MBNL3: variants seen among roughly 807,000 people sequenced by gnomAD.
MBNL3 encodes the protein muscleblind-like protein 3.
A neutral mutation model predicts 24.5 loss-of-function variants in MBNL3; 6 were observed. That is an observed-to-expected ratio of 0.25 (90% confidence interval 0.13 to 0.48). The LOEUF is 0.48. MBNL3 is among the 20% of genes least tolerant of loss of function. The pLI, the probability that MBNL3 is intolerant of heterozygous loss-of-function variation, is 0.99. For synonymous variants in MBNL3, 100 were observed against 101.7 expected (o/e 0.98, Z 0.10); for missense variants, 230 against 293.5 (o/e 0.78, Z 1.58).
At position 132,392,307 on chromosome X, in the gene MBNL3, G is replaced by C. The variant is rs1467933327; in HGVS notation, c.370C>G (p.Pro124Ala). The C allele has an allele frequency of 8.3e-7, 1 of 1,204,798 alleles. No individual in the cohort carries two copies. The highest frequency in any genetic ancestry group is 1.8e-5 in the South Asian group (1 of 55,230). The change falls in exon 4 of 9, where the codon CCA (proline) becomes GCA (alanine). Residue 124 changes from proline to alanine, a missense_variant. Coordinates refer to ENST00000370853, the MANE Select transcript of MBNL3 (RefSeq NM_001386889.1). ...TTGAAAGCCATGGGAGGATTAGCTG[G>C]AATTGATGGAGTCATAGGAAAAGAA... Reference protein sequence around the residue: ...LGSFPMTPSIPANPPMAFNPY... With the variant: ...LGSFPMTPSIAANPPMAFNPY...
intron 3 of MBNL3, among the ~76,000 whole-genome samples, chrX:132,397,482 C>G (rs983073455): frequency 9.0e-6 from 1 of 111,280 alleles, no homozygotes; most frequent in Non-Finnish European, 1.9e-5. Context: ...CTAAGGTCAA[C>G]AGAATAATCG....
intron 5 of MBNL3, among the ~76,000 whole-genome samples, chrX:132,389,768 T>C (rs1411643255): frequency 9.0e-6 from 1 of 111,315 alleles, no homozygotes; most frequent in African/African-American, 3.3e-5. Flanking sequence ...CAAACTTAAG[T>C]CACGAGAATT....
At chrX:132,440,914 T>C (rs1419573069) in intron 1 of MBNL3, among the ~76,000 whole-genome samples, 1 of 112,607 alleles carries the variant, frequency 8.9e-6, no homozygotes, top group Non-Finnish European at 1.9e-5. Flanking sequence ...ATCAAATAAC[T>C]GTTAACTTCA....
chrX:132,412,164 T>C (rs998823468), intron 2 of MBNL3, among the ~76,000 whole-genome samples: 2 of 111,131 alleles, frequency 1.8e-5, no homozygotes, highest in African/African-American at 3.3e-5. Context: ...TTAGTATAAC[T>C]TAACCAGAAG....
In MBNL3 at chrX:132,439,670, T is replaced by C. The variant is rs1230632183; in HGVS notation, c.-59A>G. 22 of 1,084,794 alleles carry C rather than the reference T, an allele frequency of 2.0e-5. No homozygotes were observed. 89.4% of individuals were successfully genotyped at this position (1,084,794 alleles called of 1,213,427 possible). ...TTTAGGACAATATTACTGTGGACTATTAAAGGATTAAAAATGAATTCAAAC... is the reference window on the plus strand; with the variant it reads ...TTTAGGACAATATTACTGTGGACTACTAAAGGATTAAAAATGAATTCAAAC... On this transcript the variant is annotated 5_prime_UTR_variant, in exon 2 of 9. Transcript: ENST00000370853.
intron 2 of MBNL3, among the ~76,000 whole-genome samples, chrX:132,410,975 A>G (rs45573437): frequency 0.13 from 15,065 of 112,041 alleles, 1,113 homozygotes; most frequent in African/African-American, 0.29. Context: ...TGTATCATCT[A>G]TAAATATTGA....
Position 132,439,523 on chromosome X carries a change from C to T in MBNL3, c.89G>A (p.Arg30Gln), listed in dbSNP as rs1200509009. The T allele has an allele frequency of 2.5e-6, 3 of 1,209,019 alleles. No individual in the cohort carries two copies. Among genetic ancestry groups the T allele is most frequent in the East Asian group, 3.0e-5 (1 of 33,723 alleles). The part of the protein sequence containing the change: ...CREFQRGTCS[R>Q]ADADCKFAHP... Reference sequence around the variant, plus strand: ...GGCAAACTTGCAATCTGCATCAGCTCGAGAGCAAGTTCCTCTCTGAAATTC... The same window carrying T: ...GGCAAACTTGCAATCTGCATCAGCTTGAGAGCAAGTTCCTCTCTGAAATTC... Residue 30 changes from arginine (R) to glutamine (Q), a missense_variant, in exon 2 of 9, where the codon CGA becomes CAA. Arg to Gln is a conservative substitution (Grantham distance 43). Transcript: ENST00000370853.
intron 1 of MBNL3, among the ~76,000 whole-genome samples, chrX:132,460,152 T>C (rs1012007370): frequency 9.0e-6 from 1 of 111,599 alleles, no homozygotes; most frequent in African/African-American, 3.3e-5. Context: ...AAAAGTTTTA[T>C]ATAATCAAAA....
chrX:132,397,697 G>T (rs1940048120), intron 3 of MBNL3, among the ~76,000 whole-genome samples: 2 of 111,214 alleles, frequency 1.8e-5, no homozygotes, highest in African/African-American at 6.5e-5. Flanking sequence ...TCTTTTTACG[G>T]TCATCATGCA....
At chrX:132,412,702 T>C (rs1250675294) in intron 2 of MBNL3, among the ~76,000 whole-genome samples, 2 of 112,429 alleles carry the variant, frequency 1.8e-5, no homozygotes, top group African/African-American at 3.2e-5. Flanking sequence ...ATCTACTTCC[T>C]GCCCTATTCC....
In MBNL3 at chrX:132,378,603, C is replaced by A. The variant is rs1296461581; in HGVS notation, c.*1063G>T. On this transcript the variant is annotated 3_prime_UTR_variant, in exon 9 of 9. Coordinates refer to ENST00000370853, the MANE Select transcript of MBNL3 (RefSeq NM_001386889.1). ...CCAGTACGTAAAAACTATCTCCATG[C>A]CCCCATCTCTCCGTTTGATTTATAA... 9.0e-6 allele frequency: 1 copy of A among 111,716 alleles called. No homozygotes were observed. Among genetic ancestry groups the A allele is most frequent in the African/African-American group, 3.3e-5 (1 of 30,759 alleles). 9.2% of individuals were successfully genotyped at this position (111,716 alleles called of 1,213,427 possible).
chrX:132,396,500 CTATATATATTCATATATATTCA>C (rs1474927599), intron 3 of MBNL3, among the ~76,000 whole-genome samples: 4 of 58,929 alleles, frequency 6.8e-5, no homozygotes, highest in Non-Finnish European at 1.1e-4. Flanking sequence ...ATATATATTC[CTATATATATTCATATATATTCA>C]TATATATATT....
intron 1 of MBNL3, among the ~76,000 whole-genome samples, chrX:132,481,174 G>A (rs968225442): frequency 1.8e-5 from 2 of 112,169 alleles, no homozygotes; most frequent in African/African-American, 6.5e-5. Context: ...CCGTTTCTGA[G>A]TGCCTCTGTC....
At chrX:132,448,696 T>G (rs1945877286) in intron 1 of MBNL3, among the ~76,000 whole-genome samples, 1 of 111,709 alleles carries the variant, frequency 9.0e-6, no homozygotes, top group African/African-American at 3.3e-5. Context: ...TGAGTTTGTT[T>G]GCTCTTGCAT....
chrX:132,421,386 G>C (rs990123177), intron 2 of MBNL3, among the ~76,000 whole-genome samples: 1 of 110,860 alleles, frequency 9.0e-6, no homozygotes, highest in African/African-American at 3.3e-5. Flanking sequence ...ATTACTATGT[G>C]CCTAGGGAGA....
rs185006165 is a variant in MBNL3 at position 132,386,816 on chromosome X, G to C, written c.772-5C>G. The C allele has an allele frequency of 5.8e-6, 7 of 1,206,800 alleles. No homozygotes were observed. The highest frequency in any genetic ancestry group is 5.9e-5 in the East Asian group (2 of 33,811). ...CAGTGTACCAGGCTGCAGGGCCTGTGGGGGGAGAGATGGTACTAGTACTAG... is the reference window on the plus strand; with the variant it reads ...CAGTGTACCAGGCTGCAGGGCCTGTCGGGGGAGAGATGGTACTAGTACTAG... On this transcript the variant is annotated splice_polypyrimidine_tract_variant and splice_region_variant and intron_variant, in intron 5 of 8. Transcript: ENST00000370853.
chrX:132,462,994 A>C (rs1221788776), intron 1 of MBNL3, among the ~76,000 whole-genome samples: 1 of 111,927 alleles, frequency 8.9e-6, no homozygotes, highest in Non-Finnish European at 1.9e-5. Context: ...TTTAATAAAC[A>C]AAAAAATTTT....
At chrX:132,479,838 T>C (rs1327767057) in intron 1 of MBNL3, among the ~76,000 whole-genome samples, 4 of 111,156 alleles carry the variant, frequency 3.6e-5, no homozygotes, top group Non-Finnish European at 7.5e-5. Flanking sequence ...ATGAAAGAAA[T>C]TTAAATTTCA....
chrX:132,486,492 G>C (rs916442229), intron 1 of MBNL3, among the ~76,000 whole-genome samples: 1 of 112,119 alleles, frequency 8.9e-6, no homozygotes, highest in African/African-American at 3.2e-5. Context: ...AAAGCATGAA[G>C]TATACAAGTG....
Sources: allele counts gnomAD v4.1 joint callset (sites outside exome capture counted in the v4.1 genomes callset), GRCh38; gene constraint gnomAD v4.1.1; transcripts MANE v1.5; gene names NCBI Gene and HGNC (gene_info 2026-07-23, HGNC 2026-07-21).